CEP85: variants seen among roughly 807,000 people sequenced by gnomAD.
The protein encoded by CEP85 is centrosomal protein of 85 kDa.
A neutral mutation model predicts 93.7 loss-of-function variants in CEP85; 58 were observed. The ratio of observed to expected loss-of-function variants is 0.62; its 90% confidence interval spans 0.50 to 0.77. The LOEUF (loss-of-function observed/expected upper bound fraction) is 0.77, where lower values mean the gene tolerates loss of function less well. Ranked by LOEUF, CEP85 falls within the 30% of genes least tolerant of loss-of-function variation. The pLI is 0.00. For missense variants in CEP85, 868 were observed against 922.0 expected (o/e 0.94, Z 0.76); for synonymous variants, 314 against 338.6 (o/e 0.93, Z 0.80).
intron 2 of CEP85, 148 bp from the exon 3 acceptor site, chr1:26,244,016 AAC>A: frequency 2.7e-5 from 14 of 510,750 alleles, no homozygotes; most frequent in East Asian, 1.8e-4. Flanking sequence ...AAAAAAAAAA[AAC>A]TAGATCGGAG....
intron 2 of CEP85, among the ~76,000 whole-genome samples, chr1:26,243,634 A>G (rs1009506381): frequency 6.6e-6 from 1 of 151,856 alleles, no homozygotes; most frequent in Non-Finnish European, 1.5e-5. Flanking sequence ...CTGTTCCAGT[A>G]CTCCTGGATT....
At position 26,255,182 on chromosome 1, in the gene CEP85, T is replaced by C. The variant is rs770528313; in HGVS notation, c.220T>C (p.Ser74Pro). ...CSDIAEDFCSSSGSPPFQPIK... is the reference protein window; with the variant it reads ...CSDIAEDFCSPSGSPPFQPIK... ...TATTCTCTCCCCAGATTTTTGCAGC[T>C]CAAGTGGCAGTCCTCCTTTCCAGCC... Residue 74 changes from serine (S) to proline (P), a missense_variant, in exon 4 of 14, where the codon TCA (serine) becomes CCA (proline). Physicochemically the swap from Ser to Pro is moderately conservative, Grantham distance 74 (BLOSUM62 -1). Transcript: ENST00000451429. The C allele has an allele frequency of 1.9e-6, 3 of 1,613,050 alleles. No individual in the cohort carries two copies. The highest frequency in any genetic ancestry group is 2.2e-5 in the South Asian group (2 of 91,054).
At chr1:26,276,397 C>A in intron 12 of CEP85, 138 bp from the exon 13 acceptor site, 1 of 686,166 alleles carries the variant, frequency 1.5e-6, no homozygotes, top group Non-Finnish European at 2.6e-6. Flanking sequence ...TGCTAAAAGC[C>A]TGTTGGCAGG....
At position 26,244,166 on chromosome 1, in the gene CEP85, G is replaced by T. The variant is rs139903267; in HGVS notation, c.56G>T (p.Ser19Ile). Residue 19 changes from serine to isoleucine, a missense_variant and splice_region_variant, in exon 3 of 14, where the codon AGT (serine) becomes ATT (isoleucine). By Grantham distance (142) the Ser-to-Ile change is moderately radical (BLOSUM62 -2). Transcript: ENST00000451429. ...TEGISHVTSP[S>I]SDVIQKGSSL... ...AGGTGGGAAATGCCTCTTGTTTCAG[G>T]TTCCGATGTGATTCAGAAGGGCAGT... is the stretch of plus-strand genomic sequence containing the variant. The T allele has an allele frequency of 4.7e-3, 7,626 of 1,612,990 alleles. 31 individuals carry two copies. Among genetic ancestry groups the T allele is most frequent in the Non-Finnish European group, 5.9e-3 (6,995 of 1,179,646 alleles).
At chr1:26,269,340 G>A in intron 8 of CEP85, 120 bp from the exon 9 acceptor site, 1 of 943,360 alleles carries the variant, frequency 1.1e-6, no homozygotes, top group Non-Finnish European at 1.6e-6. Context: ...AGTAAAAATT[G>A]CCTTGCTGAG....
At chr1:26,263,631 A>G (rs61777792) in intron 7 of CEP85, among the ~76,000 whole-genome samples, 10,911 of 152,182 alleles carry the variant, frequency 0.072, 564 homozygotes, top group Non-Finnish European at 0.11. Flanking sequence ...GCAGTAAGCC[A>G]TGATCTCACA....
At chr1:26,235,026 C>T (rs1194507991) in intron 1 of CEP85, among the ~76,000 whole-genome samples, 2 of 152,176 alleles carry the variant, frequency 1.3e-5, no homozygotes, top group African/African-American at 4.8e-5. Flanking sequence ...GTCAGTAGGG[C>T]GGAAGGTGAG....
At chr1:26,272,415 G>A in intron 11 of CEP85, 1 of 283,860 alleles carries the variant, frequency 3.5e-6, no homozygotes, top group African/African-American at 2.1e-5. Context: ...TTGGATTCCA[G>A]ATAGGAGGAA....
In CEP85 at chr1:26,249,528, G is replaced by T. The variant is rs545268609; in HGVS notation, c.208+5210G>T. On this transcript the variant is annotated intron_variant, in intron 3 of 13. Coordinates refer to ENST00000451429, the MANE Select transcript of CEP85 (RefSeq NM_001319944.2). ...TTTGATTCCACCCTTCTTCACTAAG[G>T]TGTTTTACCTTGAAAGATTCTCGAG... is the stretch of plus-strand genomic sequence containing the variant. 7.2e-5 allele frequency among the ~76,000 whole-genome samples: 11 copies of T among 152,302 alleles called. No individual in the cohort carries two copies. In the East Asian group the frequency reaches 1.5e-3, roughly 21 times the overall value.
chr1:26,260,572 T>C (rs1334365363), intron 7 of CEP85, among the ~76,000 whole-genome samples: 2 of 152,148 alleles, frequency 1.3e-5, no homozygotes, highest in East Asian at 3.9e-4. Flanking sequence ...TAGAATTGCC[T>C]TAGGTTTAAA....
chr1:26,250,925 C>CCTTTTTTTTTTTTTTTTTTTTT (rs2089598435), intron 3 of CEP85, among the ~76,000 whole-genome samples: 4 of 55,160 alleles, frequency 7.3e-5, no homozygotes, highest in African/African-American at 2.3e-4. Context: ...TTTTTTTTTT[C>CCTTTTTTTTTTTTTTTTTTTTT]TTTTTTCTTT....
At chr1:26,257,507 T>C (rs4659417) in intron 4 of CEP85, 90 bp from the exon 5 acceptor site, 1,344,381 of 1,502,076 alleles carry the variant, frequency 0.9, 611,409 homozygotes, top group Non-Finnish European at 0.94. Context: ...CAAGTTGGGC[T>C]TTGACTACAG....
chr1:26,260,663 A>G (rs2089793485), intron 7 of CEP85, among the ~76,000 whole-genome samples: 1 of 152,154 alleles, frequency 6.6e-6, no homozygotes, highest in South Asian at 2.1e-4. Context: ...TAGTAATGTT[A>G]AAGTTCTAGA....
chr1:26,270,491 GGATA>G (rs1446762790), intron 9 of CEP85, among the ~76,000 whole-genome samples: 2 of 152,156 alleles, frequency 1.3e-5, no homozygotes, highest in Non-Finnish European at 2.9e-5. Context: ...GTTTCTAATG[GGATA>G]GATTGGATTT....
At chr1:26,261,868 A>C (rs1016555445) in intron 7 of CEP85, among the ~76,000 whole-genome samples, 21 of 152,044 alleles carry the variant, frequency 1.4e-4, no homozygotes, top group Non-Finnish European at 2.6e-4. Context: ...CCCAGGTGGT[A>C]TTATAAGTTT....
chr1:26,259,162 TAAAG>T (rs990324438), intron 6 of CEP85, among the ~76,000 whole-genome samples: 1 of 152,202 alleles, frequency 6.6e-6, no homozygotes, highest in Non-Finnish European at 1.5e-5. Context: ...ATTTACTGAT[TAAAG>T]AATTGAAACC....
intron 1 of CEP85, among the ~76,000 whole-genome samples, chr1:26,239,014 A>G (rs1041516459): frequency 1.2e-4 from 18 of 152,232 alleles, no homozygotes; most frequent in African/African-American, 4.3e-4. Context: ...TGTGTTAATC[A>G]TAATTGATGC....
chr1:26,242,493 C>T (rs934518726), intron 2 of CEP85, among the ~76,000 whole-genome samples: 1 of 152,142 alleles, frequency 6.6e-6, no homozygotes, highest in Admixed American at 6.5e-5. Context: ...ATCAGGCAGT[C>T]ACTGTGATCC....
chr1:26,241,236 TC>T (rs1283943363), intron 2 of CEP85, among the ~76,000 whole-genome samples: 2 of 140,304 alleles, frequency 1.4e-5, no homozygotes, highest in Non-Finnish European at 3.1e-5. Context: ...CAAGATTCAT[TC>T]AGCAGAATTT....
Sources: gnomAD v4.1 joint callset for allele counts (sites outside exome capture counted in the v4.1 genomes callset) on GRCh38, gnomAD v4.1.1 for gene constraint, MANE v1.5 for transcripts, NCBI Gene and HGNC (gene_info 2026-07-23, HGNC 2026-07-21) for gene names.